Variants in ADD2 observed in about 807,000 individuals in gnomAD.
ADD2 encodes adducin 2, also known as beta-adducin.
ADD2 carries 23 observed loss-of-function variants against 83.0 expected under a neutral mutation model. That is an observed-to-expected ratio of 0.28 (90% confidence interval 0.20 to 0.39). The LOEUF is 0.39. Ranked by LOEUF, ADD2 falls within the 10% of genes least tolerant of loss-of-function variation. The pLI is 1.00. For synonymous variants in ADD2, 375 were observed against 375.4 expected (o/e 1.00, Z 0.01); for missense variants, 758 against 944.9 (o/e 0.80, Z 2.59).
At position 70,706,227 on chromosome 2, in the gene ADD2, G is replaced by A. The variant is rs781968127; in HGVS notation, c.182C>T (p.Pro61Leu). The A allele has an allele frequency of 6.2e-7, 1 of 1,613,638 alleles. No homozygotes were observed. Among genetic ancestry groups the A allele is most frequent in the Non-Finnish European group, 8.5e-7 (1 of 1,179,806 alleles). ...CCCGCCCGGGTCAGCCCCACTCACG[G>A]GACTCTGCAGGATCATGGTGACGCG... ...KKRVTMILQS[P>L]SFREELEGLI... Residue 61 changes from proline (P) to leucine (L), a missense_variant and splice_region_variant, in exon 3 of 16, where the codon CCC becomes CTC. Around this residue, in one of 5 missense-constraint regions of ADD2, gnomAD observed 175 missense variants for 192.1 expected, o/e 0.91. Transcript: ENST00000264436. This position sits in a 1 kb window ranked among gnomAD's most constrained non-coding sequence, Gnocchi z 5.0.
At chr2:70,741,909 T>C (rs782149258) in intron 1 of ADD2, among the ~76,000 whole-genome samples, 6 of 152,206 alleles carry the variant, frequency 3.9e-5, no homozygotes, top group Non-Finnish European at 8.8e-5. Flanking sequence ...CACCCAGCTG[T>C]GGGCTCCCAG....
intron 1 of ADD2, among the ~76,000 whole-genome samples, chr2:70,721,750 T>C (rs1406724596): frequency 1.3e-5 from 2 of 152,134 alleles, no homozygotes; most frequent in African/African-American, 2.4e-5. Flanking sequence ...TTAGTCCAAT[T>C]AAAATTAGAG....
intron 9 of ADD2, 45 bp from the exon 10 acceptor site, chr2:70,683,812 A>G (rs376383134): frequency 2.0e-4 from 312 of 1,569,704 alleles, no homozygotes; most frequent in Admixed American, 5.9e-4. Context: ...GCACATGGGT[A>G]CCCTGCACTT....
At chr2:70,668,301 G>A (rs1669750621) in intron 15 of ADD2, among the ~76,000 whole-genome samples, 1 of 152,030 alleles carries the variant, frequency 6.6e-6, no homozygotes, top group South Asian at 2.1e-4. Flanking sequence ...AGCTCCCCCA[G>A]CTTCCTAGGC....
In ADD2 at chr2:70,659,194, T is replaced by TCATGCAGA. The variant is rs1212149250; in HGVS notation, c.*4223_*4230dup. On this transcript the variant is annotated 3_prime_UTR_variant, in exon 16 of 16. Transcript: ENST00000264436. Reference sequence around the variant, plus strand: ...AAAAGAAAGAAAAAGAAAAAACATGTCATGCAGACCTATGCGTAGGCTGTG... The same window carrying TCATGCAGA: ...AAAAGAAAGAAAAAGAAAAAACATGTCATGCAGACATGCAGACCTATGCGTAGGCTGTG... 11 of 148,274 alleles carry TCATGCAGA rather than the reference T, an allele frequency of 7.4e-5. No individual in the cohort carries two copies. The highest frequency in any genetic ancestry group is 2.2e-4 in the African/African-American group (9 of 40,382). 9.2% of individuals were successfully genotyped at this position (148,274 alleles called of 1,614,324 possible).
intron 4 of ADD2, among the ~76,000 whole-genome samples, chr2:70,704,101 G>A (rs1320776974): frequency 7.9e-5 from 12 of 152,082 alleles, no homozygotes; most frequent in African/African-American, 2.9e-4. Context: ...CTTATTCCTG[G>A]CATTGGGGTA....
At chr2:70,760,605 C>G (rs1414716511) in intron 1 of ADD2, 2 of 152,000 alleles carry the variant, frequency 1.3e-5, no homozygotes, top group Non-Finnish European at 2.9e-5. Context: ...AAAATGGTTA[C>G]CATAAAAGGA....
chr2:70,742,079 TA>T (rs1673947381), intron 1 of ADD2, among the ~76,000 whole-genome samples: 1 of 152,242 alleles, frequency 6.6e-6, no homozygotes, highest in African/African-American at 2.4e-5. Flanking sequence ...TTTAACTATT[TA>T]AAAGGCCATT....
chr2:70,710,888 T>A (rs139465882), intron 2 of ADD2, among the ~76,000 whole-genome samples: 1 of 152,364 alleles, frequency 6.6e-6, no homozygotes, highest in East Asian at 1.9e-4. Context: ...TTTACTCTTA[T>A]CATGTGTGAT....
In ADD2 at chr2:70,663,477, C is replaced by A; in HGVS notation, c.2129G>T (p.Arg710Leu). 1 of 1,613,958 alleles carries A rather than the reference C, an allele frequency of 6.2e-7. No individual in the cohort carries two copies. Among genetic ancestry groups the A allele is most frequent in the Non-Finnish European group, 8.5e-7 (1 of 1,179,974 alleles). The change falls in exon 16 of 16, where the codon CGA becomes CTA. Residue 710 changes from arginine to leucine, a missense_variant. By Grantham distance (102) the Arg-to-Leu change is moderately radical (BLOSUM62 -2). Transcript: ENST00000264436. ...KSPSKKKKKF[R>L]TPSFLKKSKK... ...GCTCTTTTTCAGGAAGGAGGGGGTT[C>A]GGAATTTCTTTTTCTTCTTTGAGGG... is the stretch of plus-strand genomic sequence containing the variant.
intron 1 of ADD2, among the ~76,000 whole-genome samples, chr2:70,762,664 C>T (rs942657007): frequency 6.7e-6 from 1 of 148,876 alleles, no homozygotes; most frequent in Admixed American, 6.7e-5. Flanking sequence ...AAAGGGCATG[C>T]TAAAGGACAT....
At chr2:70,715,782 A>T (rs1672434411) in intron 1 of ADD2, among the ~76,000 whole-genome samples, 1 of 148,138 alleles carries the variant, frequency 6.8e-6, no homozygotes, top group Non-Finnish European at 1.5e-5. Flanking sequence ...GCCCCCTACC[A>T]ACCAGGCATC....
At chr2:70,744,106 G>A (rs1674057931) in intron 1 of ADD2, among the ~76,000 whole-genome samples, 1 of 152,132 alleles carries the variant, frequency 6.6e-6, no homozygotes, top group African/African-American at 2.4e-5. Context: ...TAAGAACTAT[G>A]ACAAGAATTA....
chr2:70,727,645 C>T (rs1054338664), intron 1 of ADD2, among the ~76,000 whole-genome samples: 1 of 152,026 alleles, frequency 6.6e-6, no homozygotes, highest in Non-Finnish European at 1.5e-5. Context: ...CTATAATCCC[C>T]GCACTTTAGG....
At chr2:70,764,172 G>C (rs1212355596) in intron 1 of ADD2, among the ~76,000 whole-genome samples, 1 of 151,896 alleles carries the variant, frequency 6.6e-6, no homozygotes, top group Admixed American at 6.5e-5. Flanking sequence ...ACAGGCGTGA[G>C]CCACCGCGCC....
At chr2:70,767,649 A>T in intron 1 of ADD2, 1 of 1,334,908 alleles carries the variant, frequency 7.5e-7, no homozygotes. Context: ...ATCCCCAAGC[A>T]GGGGCCAGTG....
rs1670063646 is a variant in ADD2 at position 70,675,020 on chromosome 2, T to C, written c.1594-195A>G. 3.0e-6 allele frequency: 4 copies of C among 1,345,938 alleles called. No individual in the cohort carries two copies. The East Asian group carries it at 1.1e-4, about 37-fold the overall frequency. 83.4% of individuals were successfully genotyped at this position (1,345,938 alleles called of 1,614,324 possible). On this transcript the variant is annotated intron_variant, in intron 13 of 15. Coordinates refer to ENST00000264436, the MANE Select transcript of ADD2 (RefSeq NM_001617.4). ...CCCATTGCTACCTTACCCCTAGATT[T>C]TGCAACTGGCTGGATGAATATAGGG...
intron 6 of ADD2, 77 bp from the exon 7 acceptor site, chr2:70,692,629 A>G (rs1671103183): frequency 2.1e-6 from 3 of 1,440,980 alleles, no homozygotes; most frequent in Non-Finnish European, 2.8e-6. Flanking sequence ...TGGTGGGCCC[A>G]GCATGTGCCG....
At chr2:70,692,605 A>C in intron 6 of ADD2, 53 bp from the exon 7 acceptor site, 1 of 1,512,088 alleles carries the variant, frequency 6.6e-7, no homozygotes. Flanking sequence ...GAGGCCCCGC[A>C]CTCCTCTCCC....
Sources: allele counts gnomAD v4.1 joint callset (sites outside exome capture counted in the v4.1 genomes callset), GRCh38; gene constraint gnomAD v4.1.1; regional missense constraint gnomAD v4.1.1; non-coding constraint Gnocchi (gnomAD v3.1); transcripts MANE v1.5; gene names NCBI Gene and HGNC (gene_info 2026-07-23, HGNC 2026-07-21).